PDIA6: variants seen among roughly 807,000 people sequenced by gnomAD.
PDIA6 encodes the protein protein disulfide isomerase family A member 6.
In PDIA6, 29 loss-of-function variants were observed where a neutral mutation model predicts 58.4. The ratio of observed to expected loss-of-function variants is 0.50; its 90% CI spans 0.37 to 0.68. PDIA6 has a LOEUF of 0.68. Ranked by LOEUF, PDIA6 falls within the 30% of genes least tolerant of loss-of-function variation. The probability of loss-of-function intolerance (pLI) is 0.00; values close to 1 mark genes in which losing one functional copy is unlikely to be tolerated. For missense variants in PDIA6, 480 were observed against 551.0 expected, an observed-to-expected ratio of 0.87 and a Z score of 1.29; for synonymous variants, 192 against 202.6, an observed-to-expected ratio of 0.95 and a Z score of 0.44.
At chr2:10,823,705 G>C (rs1026280719) in intron 1 of PDIA6, among the ~76,000 whole-genome samples, 2 of 152,140 alleles carry the variant, frequency 1.3e-5, no homozygotes, top group Non-Finnish European at 2.9e-5. Flanking sequence ...CAATGTTAGT[G>C]CTGTACTGTA....
At position 10,827,714 on chromosome 2, in the gene PDIA6, C is replaced by T. The variant is rs1667588486; in HGVS notation, c.-48+4488G>A. Among the ~76,000 whole-genome samples, 3 of 151,898 alleles carry T rather than the reference C, an allele frequency of 2.0e-5. No individual in the cohort carries two copies. In the South Asian group the frequency reaches 6.3e-4, roughly 32 times the overall value. On this transcript the variant is annotated intron_variant, in intron 1 of 13. Transcript: ENST00000381611. ...AGGCACACACCTGTAATCCCAGCTACTCAGGTGGCTGAGGCAGGAGAATTA... is the reference window on the plus strand; with the variant it reads ...AGGCACACACCTGTAATCCCAGCTATTCAGGTGGCTGAGGCAGGAGAATTA...
At chr2:10,791,014 T>C (rs1666010549) in intron 6 of PDIA6, among the ~76,000 whole-genome samples, 181 bp from the exon 7 acceptor site, 1 of 152,220 alleles carries the variant, frequency 6.6e-6, no homozygotes, top group Non-Finnish European at 1.5e-5. Flanking sequence ...CCACTGTTAA[T>C]TTCTACATTT....
chr2:10,807,249 C>A (rs543127705), intron 1 of PDIA6, among the ~76,000 whole-genome samples: 1 of 152,306 alleles, frequency 6.6e-6, no homozygotes, highest in East Asian at 1.9e-4. Flanking sequence ...TGATCTGTCA[C>A]CCAGACTGGA....
At chr2:10,820,578 T>C (rs1459748425) in intron 1 of PDIA6, among the ~76,000 whole-genome samples, 1 of 152,220 alleles carries the variant, frequency 6.6e-6, no homozygotes, top group African/African-American at 2.4e-5. Context: ...TTTATCTGTG[T>C]CTGTAGTTTG....
rs111865054 is a variant in PDIA6, at chr2:10,790,716, C to T, written c.699+3G>A. On this transcript the variant is annotated splice_donor_region_variant and intron_variant, in intron 7 of 12. Coordinates refer to ENST00000272227, the MANE Select transcript of PDIA6 (RefSeq NM_005742.4). The stretch of plus-strand genomic sequence containing the variant: ...ATGAAATGAGCCTTATAAGTATACT[C>T]ACCCCGTATCGGGAGGCCAGAACCT... 1.5e-3 allele frequency: 2,340 copies of T among 1,598,058 alleles called. 1 individual carries two copies. Among genetic ancestry groups the T allele is most frequent in the Non-Finnish European group, 1.8e-3 (2,110 of 1,165,284 alleles).
chr2:10,804,999 G>A (rs548254961), intron 1 of PDIA6, among the ~76,000 whole-genome samples: 2 of 151,666 alleles, frequency 1.3e-5, no homozygotes, highest in East Asian at 3.9e-4. Flanking sequence ...GAATGCTTGT[G>A]ATTTTTGTAC....
intron 1 of PDIA6, among the ~76,000 whole-genome samples, chr2:10,819,978 C>T (rs368361326): frequency 9.2e-5 from 14 of 152,150 alleles, no homozygotes; most frequent in South Asian, 4.1e-4. Context: ...TGTTGTGTTT[C>T]GTTTAATCCT....
intron 2 of PDIA6, among the ~76,000 whole-genome samples, chr2:10,818,477 A>G (rs1558460217): frequency 9.7e-6 from 1 of 103,510 alleles, no homozygotes; most frequent in Non-Finnish European, 1.9e-5. Context: ...CACTTTAACC[A>G]TTTAATTTAT....
At chr2:10,820,585 T>G (rs896541202) in intron 1 of PDIA6, among the ~76,000 whole-genome samples, 1 of 152,246 alleles carries the variant, frequency 6.6e-6, no homozygotes, top group African/African-American at 2.4e-5. Flanking sequence ...GTGTCTGTAG[T>G]TTGATTTTTC....
chr2:10,810,010 T>C (rs1734448), intron 1 of PDIA6, among the ~76,000 whole-genome samples: 73,633 of 151,444 alleles, frequency 0.49, 19,367 homozygotes, highest in South Asian at 0.58. Context: ...GAAATTCTTA[T>C]AAGAGAGATC....
intron 2 of PDIA6, among the ~76,000 whole-genome samples, chr2:10,800,629 C>T (rs1230034138): frequency 1.4e-5 from 2 of 146,480 alleles, no homozygotes; most frequent in Non-Finnish European, 3.0e-5. Context: ...TTGAGACAGG[C>T]TCTCACTGTT....
chr2:10,833,848 G>T (rs1457648374), upstream of PDIA6, among the ~76,000 whole-genome samples: 3 of 152,216 alleles, frequency 2.0e-5, no homozygotes, highest in African/African-American at 7.2e-5. Flanking sequence ...GGAGCTTGGA[G>T]CTCGAGGTGC....
chr2:10,821,714 C>T (rs55968911), intron 1 of PDIA6, among the ~76,000 whole-genome samples: 38,113 of 151,630 alleles, frequency 0.25, 5,061 homozygotes, highest in Non-Finnish European at 0.27. Context: ...AGCCTTGACC[C>T]CCTAGGCTCA....
intron 1 of PDIA6, among the ~76,000 whole-genome samples, chr2:10,811,649 G>A (rs568344581): frequency 1.1e-4 from 16 of 152,324 alleles, no homozygotes; most frequent in African/African-American, 3.8e-4. Context: ...AGTAAATAGG[G>A]GGAAGGTGGT....
chr2:10,819,258 A>G (rs55770944), intron 2 of PDIA6: 182,426 of 1,423,724 alleles, frequency 0.13, 12,606 homozygotes, highest in Middle Eastern at 0.16. Flanking sequence ...CTACTCTGGG[A>G]GTTTCCTCTA....
intron 4 of PDIA6, among the ~76,000 whole-genome samples, chr2:10,796,069 T>G (rs1336750983): frequency 0.02 from 896 of 44,096 alleles, 12 homozygotes; most frequent in African/African-American, 0.035. Context: ...TCTTTTTTTT[T>G]TTTTTTTTTT....
At chr2:10,831,254 G>T (rs1667703253) in intron 1 of PDIA6, among the ~76,000 whole-genome samples, 1 of 152,208 alleles carries the variant, frequency 6.6e-6, no homozygotes, top group African/African-American at 2.4e-5. Context: ...GGCCAGGGCT[G>T]TGGCGCTGCC....
Position 10,786,694 on chromosome 2 carries a change from G to A in PDIA6, c.1157+587C>T, listed in dbSNP as rs78445755. ...TATACAGCAGCTAAGAAATGAACGC[G>A]GAAGAAAGCAAGAATGGGAAATAAA... On this transcript the variant is annotated intron_variant, in intron 11 of 12. Transcript: ENST00000272227. 1.7e-3 allele frequency among the ~76,000 whole-genome samples: 265 copies of A among 152,274 alleles called. 4 individuals carry two copies. The East Asian group carries it at 0.031, about 18-fold the overall frequency.
intron 1 of PDIA6, among the ~76,000 whole-genome samples, chr2:10,810,047 A>G (rs1031090779): frequency 2.5e-4 from 38 of 152,188 alleles, no homozygotes; most frequent in Non-Finnish European, 4.7e-4. Flanking sequence ...ATTCTGAGAT[A>G]CCTGTCACAC....
Sources: gnomAD v4.1 joint callset for allele counts (sites outside exome capture counted in the v4.1 genomes callset) on GRCh38, gnomAD v4.1.1 for gene constraint, MANE v1.5 for transcripts, NCBI Gene and HGNC (gene_info 2026-07-23, HGNC 2026-07-21) for gene names.